Variants in ADGRG2 observed in about 807,000 individuals in gnomAD.
ADGRG2 encodes the protein adhesion G protein-coupled receptor G2.
Under a neutral mutation model 74.1 loss-of-function variants are expected in ADGRG2, and 26 were observed. The observed-to-expected ratio is 0.35, with a 90% CI of 0.26 to 0.49. ADGRG2 has a LOEUF of 0.49. Among genes scored for constraint, ADGRG2 ranks in the 20% least tolerant of loss-of-function variants. The pLI, the probability that ADGRG2 is intolerant of heterozygous loss-of-function variation, is 0.99. For synonymous variants in ADGRG2, 296 were observed against 295.2 expected (o/e 1.00, Z -0.03); for missense variants, 619 against 763.1 (o/e 0.81, Z 2.22).
intron 7 of ADGRG2, chrX:19,035,728 G>C (rs1487063136): frequency 6.8e-6 from 2 of 293,294 alleles, no homozygotes; most frequent in Non-Finnish European, 1.2e-5. Flanking sequence ...ATTTTAAATG[G>C]AGTGCTATGG....
intron 13 of ADGRG2, among the ~76,000 whole-genome samples, chrX:19,022,814 A>C (rs2060619694): frequency 9.0e-6 from 1 of 111,458 alleles, no homozygotes; most frequent in South Asian, 3.8e-4. Flanking sequence ...CTTGTGCCTC[A>C]GCCTCCTGAG....
intron 3 of ADGRG2, among the ~76,000 whole-genome samples, chrX:19,054,312 CA>C (rs1164762323): frequency 8.9e-6 from 1 of 111,788 alleles, no homozygotes; most frequent in Non-Finnish European, 1.9e-5. Flanking sequence ...AAGTCAAGAA[CA>C]GGTGAAATTT....
intron 7 of ADGRG2, chrX:19,035,686 T>C (rs774776825): frequency 6.7e-5 from 16 of 237,383 alleles, no homozygotes; most frequent in African/African-American, 4.3e-4. Context: ...CTAATATGTA[T>C]CACTATTATA....
intron 3 of ADGRG2, among the ~76,000 whole-genome samples, chrX:19,045,289 GTGT>G (rs1418188010): frequency 3.8e-5 from 2 of 52,964 alleles, no homozygotes; most frequent in African/African-American, 6.6e-5. Flanking sequence ...GAAATGGGGG[GTGT>G]TGTTATTATT....
intron 3 of ADGRG2, among the ~76,000 whole-genome samples, chrX:19,045,294 G>GTTGTTATTATTATTATTATTATTA (rs1555900997): frequency 4.2e-5 from 4 of 95,381 alleles, no homozygotes; most frequent in African/African-American, 1.5e-4. Context: ...GGGGGGTGTT[G>GTTGTTATTATTATTATTATTATTA]TTATTATTAT....
chrX:19,076,516 C>G (rs1186880634), intron 2 of ADGRG2, among the ~76,000 whole-genome samples: 1 of 112,196 alleles, frequency 8.9e-6, no homozygotes, highest in East Asian at 2.8e-4. Context: ...CGCCTGTAAT[C>G]CCAGCACTTT....
chrX:19,099,140 C>T (rs923068873), intron 1 of ADGRG2, among the ~76,000 whole-genome samples: 12 of 110,379 alleles, frequency 1.1e-4, no homozygotes, highest in Non-Finnish European at 1.3e-4. Context: ...GCTGAGATCG[C>T]GCCACTGCAC....
intron 2 of ADGRG2, among the ~76,000 whole-genome samples, chrX:19,075,720 A>G (rs2061738422): frequency 9.0e-6 from 1 of 111,187 alleles, no homozygotes; most frequent in Admixed American, 9.6e-5. Context: ...TGGAAGCCAG[A>G]ACCAGTGGAA....
intron 3 of ADGRG2, among the ~76,000 whole-genome samples, chrX:19,056,683 A>G (rs1338650527): frequency 1.8e-5 from 2 of 111,973 alleles, no homozygotes; most frequent in East Asian, 2.8e-4. Flanking sequence ...GCCTTTATAC[A>G]TTGGTAGCTC....
At chrX:19,048,785 G>C in intron 3 of ADGRG2, among the ~76,000 whole-genome samples, 1 of 112,164 alleles carries the variant, frequency 8.9e-6, no homozygotes, top group Non-Finnish European at 1.9e-5. Flanking sequence ...TAGAATGCTA[G>C]CCATGATTTC....
In ADGRG2 at chrX:18,999,927, G is replaced by A; in HGVS notation, c.2264C>T (p.Thr755Ile). Residue 755 changes from threonine to isoleucine, a missense_variant, in exon 25 of 29, where the codon ACT becomes ATT. Transcript: ENST00000379869. ...AAGCCCATAGTTATCTGGGGATATA[G>A]TCAGGATGATGGTCACAACCACAGC... ...VPAVVVTIIL[T>I]ISPDNYGLGS... The A allele has an allele frequency of 8.4e-7, 1 of 1,187,929 alleles. No homozygotes were observed. The highest frequency in any genetic ancestry group is 1.7e-5 in the African/African-American group (1 of 57,155).
chrX:19,100,918 G>A (rs775194800), intron 1 of ADGRG2, among the ~76,000 whole-genome samples: 1 of 113,093 alleles, frequency 8.8e-6, no homozygotes, highest in Non-Finnish European at 1.9e-5. Flanking sequence ...GATTCCTCGC[G>A]GGCAAAGGGT....
Position 19,023,928 on chromosome X carries a change from G to T in ADGRG2, c.491C>A (p.Thr164Asn). Residue 164 changes from threonine to asparagine, a missense_variant, in exon 12 of 29, where the codon ACC becomes AAC. By Grantham distance (65) the Thr-to-Asn change is moderately conservative. Coordinates refer to ENST00000379869, the MANE Select transcript of ADGRG2 (RefSeq NM_001079858.3). ...GATTACCTCACTTAGGGTTTGCAGG[G>T]TTTTGTTGAGCTCTGAGCGTCTGTA... Reference protein sequence around the residue: ...SELKRSELNKTLQTLSETYFI... With the variant: ...SELKRSELNKNLQTLSETYFI... The T allele has an allele frequency of 3.4e-6, 4 of 1,189,900 alleles. No individual in the cohort carries two copies. Among genetic ancestry groups the T allele is most frequent in the South Asian group, 1.8e-5 (1 of 56,456 alleles).
intron 2 of ADGRG2, among the ~76,000 whole-genome samples, chrX:19,076,870 T>C (rs1390892125): frequency 9.0e-6 from 1 of 111,562 alleles, no homozygotes; most frequent in African/African-American, 3.3e-5. Context: ...TATATAAACA[T>C]AGGAGACAAT....
chrX:19,121,633 T>C (rs2062611219), intron 1 of ADGRG2, among the ~76,000 whole-genome samples: 1 of 110,588 alleles, frequency 9.0e-6, no homozygotes, highest in Non-Finnish European at 1.9e-5. Flanking sequence ...CACTGGGAGC[T>C]TCTTAGAAAT....
rs189520270 is a variant in ADGRG2, at chrX:19,000,754, G to A, written c.2231-794C>T. Among the ~76,000 whole-genome samples the A allele has an allele frequency of 6.1e-3, 292 of 47,879 alleles. 2 individuals are homozygous for A. Among genetic ancestry groups the A allele is most frequent in the African/African-American group, 0.024 (266 of 11,144 alleles). The allele number at this position is 47,879 out of a possible 115,157, so 41.6% of individuals were successfully genotyped here. On this transcript the variant is annotated intron_variant, in intron 24 of 28. Transcript: ENST00000379869. Reference sequence around the variant, plus strand: ...GCCTTTAACTCCCCACCCCCCACCCGGCCCCCCTCTGTCACCCAGGCTAGA... The same window carrying A: ...GCCTTTAACTCCCCACCCCCCACCCAGCCCCCCTCTGTCACCCAGGCTAGA...
intron 27 of ADGRG2, 34 bp from the exon 28 acceptor site, chrX:18,995,082 C>T: frequency 9.1e-7 from 1 of 1,100,601 alleles, no homozygotes; most frequent in Non-Finnish European, 1.2e-6. Flanking sequence ...AAAAACAGGG[C>T]AGTATGTTGA....
In ADGRG2 at chrX:19,031,055, C is replaced by T. The variant is rs1171442065; in HGVS notation, c.305-18G>A. 3.5e-6 allele frequency: 4 copies of T among 1,149,089 alleles called. No individual in the cohort carries two copies. Among genetic ancestry groups the T allele is most frequent in the Non-Finnish European group, 4.8e-6 (4 of 839,134 alleles). The allele number at this position is 1,149,089 out of a possible 1,213,427, so 94.7% of individuals were successfully genotyped here. On this transcript the variant is annotated intron_variant, in intron 8 of 28. Transcript: ENST00000379869. ...TTTGACGCCTGCAAAGAAAACACAA[C>T]CCAGCTGGTTAAGCATGTCAATGCC...
At chrX:19,106,452 C>T (rs1281070324) in intron 1 of ADGRG2, among the ~76,000 whole-genome samples, 1 of 109,962 alleles carries the variant, frequency 9.1e-6, no homozygotes, top group African/African-American at 3.3e-5. Context: ...CCTGCCCCAC[C>T]CCACTCCTTT....
Sources: allele counts gnomAD v4.1 joint callset (sites outside exome capture counted in the v4.1 genomes callset), GRCh38; gene constraint gnomAD v4.1.1; transcripts MANE v1.5; gene names NCBI Gene and HGNC (gene_info 2026-07-23, HGNC 2026-07-21).